SWT1: variants seen among roughly 807,000 people sequenced by gnomAD.
SWT1 encodes transcriptional protein SWT1.
In SWT1, 33 loss-of-function variants were observed where a neutral mutation model predicts 107.3. That is an observed-to-expected ratio of 0.31 (90% CI 0.23 to 0.41). The LOEUF is 0.41. Ranked by LOEUF, SWT1 falls within the 10% of genes least tolerant of loss-of-function variation. SWT1 has a pLI of 1.00. For synonymous variants in SWT1, 345 were observed against 348.3 expected, an observed-to-expected ratio of 0.99 and a Z score of 0.11; for missense variants, 898 against 1,028.9, an observed-to-expected ratio of 0.87 and a Z score of 1.74.
chr1:185,222,762 CAAAAAAAAAAAA>C (rs59515070), intron 15 of SWT1, among the ~76,000 whole-genome samples: 2 of 36,096 alleles, frequency 5.5e-5, no homozygotes, highest in Admixed American at 2.7e-4. Flanking sequence ...GACGCCATCT[CAAAAAAAAAAAA>C]AAAAAAAAAA....
At chr1:185,218,696 A>T (rs949449935) in intron 14 of SWT1, among the ~76,000 whole-genome samples, 7 of 152,326 alleles carry the variant, frequency 4.6e-5, no homozygotes, top group Admixed American at 6.5e-5. Flanking sequence ...ACTAAAAAAA[A>T]TAGGACTTGC....
intron 9 of SWT1, among the ~76,000 whole-genome samples, chr1:185,186,591 A>AT: frequency 6.6e-6 from 1 of 152,322 alleles, no homozygotes; most frequent in South Asian, 2.1e-4. Flanking sequence ...AATGACATAT[A>AT]ACGTTAAATA....
intron 16 of SWT1, among the ~76,000 whole-genome samples, chr1:185,262,002 G>A (rs1423086757): frequency 6.6e-6 from 1 of 152,084 alleles, no homozygotes; most frequent in East Asian, 1.9e-4. Context: ...ATGAGTAAAT[G>A]GTGGGAGGAT....
chr1:185,157,981 A>G (rs1653775756), intron 1 of SWT1, among the ~76,000 whole-genome samples: 1 of 152,156 alleles, frequency 6.6e-6, no homozygotes, highest in African/African-American at 2.4e-5. Context: ...CCACTGGGAC[A>G]GAAAGGAGAA....
chr1:185,283,482 CT>C (rs80236301), intron 18 of SWT1, among the ~76,000 whole-genome samples: 6 of 152,140 alleles, frequency 3.9e-5, no homozygotes, highest in African/African-American at 7.2e-5. Flanking sequence ...ATTTAATTCA[CT>C]TTTTTTTCTG....
chr1:185,253,858 A>G (rs1269991032), intron 16 of SWT1, among the ~76,000 whole-genome samples: 3,760 of 147,012 alleles, frequency 0.026, 156 homozygotes, highest in African/African-American at 0.071. Flanking sequence ...TCTTGTGCCA[A>G]TTTTCAAAGG....
At chr1:185,257,489 C>T (rs1159288282) in intron 16 of SWT1, among the ~76,000 whole-genome samples, 2 of 152,286 alleles carry the variant, frequency 1.3e-5, no homozygotes, top group African/African-American at 4.8e-5. Context: ...CGTGGTGCGC[C>T]GTTTTTTAAG....
intron 14 of SWT1, among the ~76,000 whole-genome samples, chr1:185,216,081 T>G (rs1659194585): frequency 6.6e-6 from 1 of 152,070 alleles, no homozygotes; most frequent in African/African-American, 2.4e-5. Context: ...TTAATCATAG[T>G]TGATGAGGAA....
At chr1:185,167,752 T>C (rs1384097024) in intron 3 of SWT1, among the ~76,000 whole-genome samples, 2 of 152,214 alleles carry the variant, frequency 1.3e-5, no homozygotes, top group Admixed American at 1.3e-4. Context: ...CTGCTGAATT[T>C]ATACCAGTTA....
intron 4 of SWT1, among the ~76,000 whole-genome samples, chr1:185,170,862 A>G (rs1156242931): frequency 6.6e-6 from 1 of 152,194 alleles, no homozygotes; most frequent in Non-Finnish European, 1.5e-5. Flanking sequence ...ATAAAAAAAG[A>G]AAGATGAAGG....
chr1:185,283,536 C>T (rs913362749), intron 18 of SWT1, among the ~76,000 whole-genome samples: 1 of 151,232 alleles, frequency 6.6e-6, no homozygotes, highest in Non-Finnish European at 1.5e-5. Context: ...GTTTGTTAGG[C>T]AAGTATGTAA....
intron 16 of SWT1, chr1:185,251,403 T>G (rs1662009358): frequency 6.6e-6 from 1 of 152,548 alleles, no homozygotes; most frequent in Non-Finnish European, 1.5e-5. Context: ...TGCTTCACTT[T>G]AGCCTAAAGA....
At chr1:185,175,672 TAGAA>T (rs1413074576) in intron 5 of SWT1, among the ~76,000 whole-genome samples, 1 of 152,192 alleles carries the variant, frequency 6.6e-6, no homozygotes. Context: ...GGATTCATAA[TAGAA>T]AGGAATGTGT....
intron 14 of SWT1, among the ~76,000 whole-genome samples, chr1:185,220,265 T>C (rs1185134288): frequency 1.3e-5 from 2 of 149,942 alleles, no homozygotes; most frequent in East Asian, 3.9e-4. Flanking sequence ...TTTTGCCAAC[T>C]GCACAAGGCT....
intron 18 of SWT1, among the ~76,000 whole-genome samples, chr1:185,279,472 T>G (rs566083892): frequency 6.0e-4 from 92 of 152,228 alleles, no homozygotes; most frequent in Admixed American, 1.8e-3. Context: ...AGTTAATGAG[T>G]AAACCCTCTT....
At chr1:185,287,181 C>T (rs1287175181) in intron 18 of SWT1, among the ~76,000 whole-genome samples, 1 of 152,092 alleles carries the variant, frequency 6.6e-6, no homozygotes, top group African/African-American at 2.4e-5. Context: ...TAGTACCATG[C>T]CACTTTGACC....
intron 10 of SWT1, among the ~76,000 whole-genome samples, chr1:185,194,177 G>C (rs1657195751): frequency 6.6e-6 from 1 of 152,046 alleles, no homozygotes; most frequent in Admixed American, 6.6e-5. Context: ...CTCTACGCCT[G>C]TATATTTAAA....
intron 4 of SWT1, among the ~76,000 whole-genome samples, chr1:185,169,279 CT>C (rs56786132): frequency 0.063 from 8,377 of 133,032 alleles, 254 homozygotes; most frequent in Middle Eastern, 0.086. Flanking sequence ...CACTGATATC[CT>C]TTTTTTTTTT....
chr1:185,180,079 G>T (rs1374578425), intron 5 of SWT1, among the ~76,000 whole-genome samples: 1 of 152,230 alleles, frequency 6.6e-6, no homozygotes, highest in Non-Finnish European at 1.5e-5. Flanking sequence ...AGCTACTCAG[G>T]TGGCTGAGGC....
Sources: allele counts gnomAD v4.1 joint callset (sites outside exome capture counted in the v4.1 genomes callset), GRCh38; gene constraint gnomAD v4.1.1; transcripts MANE v1.5; gene names NCBI Gene and HGNC (gene_info 2026-07-23, HGNC 2026-07-21).